The following DLG1 variants were observed in gnomAD, a reference collection of about 807,000 sequenced individuals.
DLG1 encodes the protein disks large homolog 1.
DLG1 carries 42 observed loss-of-function variants against 123.4 expected under a neutral mutation model. The ratio of observed to expected loss-of-function variants is 0.34; its 90% CI spans 0.27 to 0.44. The LOEUF is 0.44. DLG1 is among the 20% of genes least tolerant of loss of function. DLG1 has a pLI of 1.00. For missense variants in DLG1, 942 were observed against 1,082.6 expected (o/e 0.87, Z 1.82); for synonymous variants, 317 against 356.2 (o/e 0.89, Z 1.24).
intron 6 of DLG1, among the ~76,000 whole-genome samples, chr3:197,148,369 C>A (rs1370760246): frequency 7.0e-6 from 1 of 143,542 alleles, no homozygotes; most frequent in East Asian, 2.0e-4. Context: ...TGAGATTGTG[C>A]CAATGCACTC....
At chr3:197,298,772 C>T (rs563506388), upstream of DLG1, 6 of 395,472 alleles carry the variant, frequency 1.5e-5, no homozygotes, top group South Asian at 8.6e-4. Flanking sequence ...TACTCTTCGT[C>T]CCTTAGTAAT....
chr3:197,220,825 C>T (rs1336608946), intron 4 of DLG1, among the ~76,000 whole-genome samples: 1 of 152,086 alleles, frequency 6.6e-6, no homozygotes, highest in Non-Finnish European at 1.5e-5. Flanking sequence ...GATACTGGCT[C>T]AATGTAAAGG....
At chr3:197,263,110 C>T (rs1760174121) in intron 4 of DLG1, among the ~76,000 whole-genome samples, 1 of 152,192 alleles carries the variant, frequency 6.6e-6, no homozygotes, top group African/African-American at 2.4e-5. Context: ...TATCTAAGTA[C>T]TGACTAGGCA....
chr3:197,128,244 G>A (rs1014631237), intron 11 of DLG1, among the ~76,000 whole-genome samples: 1 of 152,116 alleles, frequency 6.6e-6, no homozygotes, highest in Non-Finnish European at 1.5e-5. Flanking sequence ...AAAATCCTTT[G>A]TTGCCGTTTC....
chr3:197,240,134 C>T (rs1397783850), intron 4 of DLG1, among the ~76,000 whole-genome samples: 1 of 152,200 alleles, frequency 6.6e-6, no homozygotes, highest in African/African-American at 2.4e-5. Flanking sequence ...AGACTACCAT[C>T]TCCAGCTCTG....
intron 4 of DLG1, among the ~76,000 whole-genome samples, chr3:197,268,653 A>G (rs999407578): frequency 6.6e-6 from 1 of 151,962 alleles, no homozygotes; most frequent in Non-Finnish European, 1.5e-5. Flanking sequence ...AAATTTATAG[A>G]AAAATGTTTT....
At chr3:197,261,374 T>A (rs1759375163) in intron 4 of DLG1, among the ~76,000 whole-genome samples, 2 of 152,220 alleles carry the variant, frequency 1.3e-5, no homozygotes, top group Non-Finnish European at 2.9e-5. Context: ...CCCAGGAGTT[T>A]GAGGATGCAG....
At chr3:197,185,382 A>G (rs1385749453) in intron 5 of DLG1, among the ~76,000 whole-genome samples, 1 of 152,200 alleles carries the variant, frequency 6.6e-6, no homozygotes, top group Non-Finnish European at 1.5e-5. Flanking sequence ...GTGCTCAGTA[A>G]GGGTGAGAGC....
At chr3:197,220,080 G>A (rs1736162444) in intron 4 of DLG1, among the ~76,000 whole-genome samples, 1 of 152,190 alleles carries the variant, frequency 6.6e-6, no homozygotes. Context: ...TAAGAGAAAA[G>A]TTACACTAGG....
At chr3:197,290,062 A>G (rs1265159716) in intron 3 of DLG1, among the ~76,000 whole-genome samples, 2 of 152,198 alleles carry the variant, frequency 1.3e-5, no homozygotes, top group Non-Finnish European at 2.9e-5. Context: ...GCTCCAAAAA[A>G]TGATGAGGGC....
At chr3:197,106,232 C>T (rs909858381) in intron 13 of DLG1, among the ~76,000 whole-genome samples, 5 of 152,152 alleles carry the variant, frequency 3.3e-5, no homozygotes, top group African/African-American at 1.2e-4. Flanking sequence ...ATGGCAAACA[C>T]CTGTCTCTAC....
chr3:197,163,168 G>A (rs1269284256), intron 5 of DLG1, among the ~76,000 whole-genome samples: 1 of 152,158 alleles, frequency 6.6e-6, no homozygotes, highest in Admixed American at 6.5e-5. Flanking sequence ...ACCACTACAA[G>A]GGAAGTGTCT....
chr3:197,202,939 A>C (rs1282187135), intron 4 of DLG1, among the ~76,000 whole-genome samples: 1 of 152,170 alleles, frequency 6.6e-6, no homozygotes, highest in Non-Finnish European at 1.5e-5. Context: ...TAACAGTGAC[A>C]GTGAAGTGGA....
intron 4 of DLG1, among the ~76,000 whole-genome samples, chr3:197,270,277 G>T (rs62282106): frequency 0.24 from 35,896 of 151,936 alleles, 5,419 homozygotes; most frequent in East Asian, 0.71. Context: ...AGTCAAATAT[G>T]AAGTAATATG....
intron 11 of DLG1, among the ~76,000 whole-genome samples, chr3:197,119,733 T>C (rs1047616972): frequency 9.2e-5 from 14 of 152,246 alleles, no homozygotes; most frequent in African/African-American, 3.1e-4. Context: ...TACTCCCACC[T>C]CAGCCTCCCA....
At chr3:197,241,115 A>G (rs1748626588) in intron 4 of DLG1, among the ~76,000 whole-genome samples, 1 of 152,182 alleles carries the variant, frequency 6.6e-6, no homozygotes, top group Non-Finnish European at 1.5e-5. Flanking sequence ...AAATTTGAAA[A>G]GTCAAAGACA....
chr3:197,059,137 G>A (rs1387402569), intron 23 of DLG1, among the ~76,000 whole-genome samples: 1 of 152,198 alleles, frequency 6.6e-6, no homozygotes, highest in African/African-American at 2.4e-5. Flanking sequence ...GTGTTGGCCA[G>A]GATGGTCTCG....
At chr3:197,054,960 T>A (rs927480873) in intron 23 of DLG1, among the ~76,000 whole-genome samples, 1 of 152,004 alleles carries the variant, frequency 6.6e-6, no homozygotes, top group Non-Finnish European at 1.5e-5. Context: ...GGATTACAGA[T>A]GCCCGCCACC....
At chr3:197,174,090 A>C (rs1335494417) in intron 5 of DLG1, among the ~76,000 whole-genome samples, 2 of 152,232 alleles carry the variant, frequency 1.3e-5, no homozygotes, top group African/African-American at 4.8e-5. Flanking sequence ...CTCAAAAACA[A>C]AACAAAACAT....
Sources: allele counts gnomAD v4.1 joint callset (sites outside exome capture counted in the v4.1 genomes callset), GRCh38; gene constraint gnomAD v4.1.1; transcripts MANE v1.5; gene names NCBI Gene and HGNC (gene_info 2026-07-23, HGNC 2026-07-21).